RIMS2: variants seen among roughly 807,000 people sequenced by gnomAD.
RIMS2 encodes the protein regulating synaptic membrane exocytosis 2, also known as regulating synaptic membrane exocytosis protein 2.
Under a neutral mutation model 174.4 loss-of-function variants are expected in RIMS2, and 59 were observed. The ratio of observed to expected loss-of-function variants is 0.34; its 90% confidence interval spans 0.27 to 0.42. The LOEUF is 0.42. RIMS2 is among the 10% of genes least tolerant of loss of function. The pLI, the probability that RIMS2 is intolerant of heterozygous loss-of-function variation, is 1.00. For synonymous variants in RIMS2, 606 were observed against 572.5 expected (o/e 1.06, Z -0.84); for missense variants, 1,620 against 1,666.3 (o/e 0.97, Z 0.48).
At chr8:103,521,548 G>A (rs1779518866) in intron 1 of RIMS2, among the ~76,000 whole-genome samples, 1 of 151,982 alleles carries the variant, frequency 6.6e-6, no homozygotes, top group South Asian at 2.1e-4. Flanking sequence ...TCACATGCTT[G>A]CCATATTCAA....
At chr8:104,034,243 G>A (rs969685557) in intron 19 of RIMS2, among the ~76,000 whole-genome samples, 1 of 152,060 alleles carries the variant, frequency 6.6e-6, no homozygotes, top group Admixed American at 6.6e-5. Context: ...ATGTTTACTA[G>A]CAATACAAAT....
intron 19 of RIMS2, among the ~76,000 whole-genome samples, chr8:104,217,002 T>C (rs2099132816): frequency 6.6e-6 from 1 of 152,238 alleles, no homozygotes; most frequent in Non-Finnish European, 1.5e-5. Context: ...ATCATCATTA[T>C]TATAAAGGGC....
rs145059426 is a variant in RIMS2 at position 104,226,065 on chromosome 8, A to AT, written c.3335-18850dup. 4.5e-3 allele frequency among the ~76,000 whole-genome samples: 691 copies of AT among 152,272 alleles called. 9 individuals carry two copies. The highest frequency in any genetic ancestry group is 0.016 in the African/African-American group (649 of 41,560). On this transcript the variant is annotated intron_variant, in intron 19 of 23. Transcript: ENST00000504942. ...CTTTTGAGACACCCACACAGGATAC[A>AT]TGAAGGTCATGTGGTTAACATATTC...
intron 19 of RIMS2, among the ~76,000 whole-genome samples, chr8:104,096,030 A>T (rs1246857558): frequency 1.3e-5 from 2 of 152,168 alleles, no homozygotes; most frequent in African/African-American, 4.8e-5. Flanking sequence ...AGTAATTTCA[A>T]ATCTGTCTTT....
intron 19 of RIMS2, among the ~76,000 whole-genome samples, chr8:104,184,679 T>C (rs529389380): frequency 5.7e-4 from 87 of 151,608 alleles, no homozygotes; most frequent in African/African-American, 2.0e-3. Context: ...TGAATGACTT[T>C]TATTTTGTTT....
chr8:104,238,971 A>G (rs1401975946), intron 19 of RIMS2, among the ~76,000 whole-genome samples: 1 of 152,196 alleles, frequency 6.6e-6, no homozygotes, highest in Admixed American at 6.6e-5. Flanking sequence ...TCCATAAACC[A>G]TTTTCCATAT....
At chr8:104,245,766 C>G (rs1363468086) in intron 20 of RIMS2, among the ~76,000 whole-genome samples, 6 of 152,154 alleles carry the variant, frequency 3.9e-5, no homozygotes, top group African/African-American at 1.4e-4. Flanking sequence ...TTTAGATAAC[C>G]TATGTGTGGC....
chr8:104,004,353 T>G (rs986642123), intron 17 of RIMS2, among the ~76,000 whole-genome samples: 1 of 151,932 alleles, frequency 6.6e-6, no homozygotes, highest in Non-Finnish European at 1.5e-5. Context: ...CTGAGTGACA[T>G]AAAGAATGAG....
intron 3 of RIMS2, among the ~76,000 whole-genome samples, chr8:103,785,158 G>A (rs1411527428): frequency 6.9e-6 from 1 of 144,552 alleles, no homozygotes; most frequent in Non-Finnish European, 1.5e-5. Context: ...ACCAGCTTAA[G>A]GAGATTTTGG....
intron 19 of RIMS2, among the ~76,000 whole-genome samples, chr8:104,067,166 G>A (rs2097120692): frequency 6.6e-6 from 1 of 152,016 alleles, no homozygotes. Flanking sequence ...ACGTCTAGCT[G>A]TCTTTACCAC....
chr8:103,565,101 G>A (rs1350628799), intron 1 of RIMS2, among the ~76,000 whole-genome samples: 1 of 152,144 alleles, frequency 6.6e-6, no homozygotes. Context: ...GTATGTGTAC[G>A]GAAGTTCATT....
chr8:103,703,147 A>G (rs1400625950), intron 2 of RIMS2, among the ~76,000 whole-genome samples: 1 of 150,928 alleles, frequency 6.6e-6, no homozygotes, highest in African/African-American at 2.4e-5. Context: ...TACCTGGCTA[A>G]TTTTTTGATT....
intron 3 of RIMS2, among the ~76,000 whole-genome samples, chr8:103,858,435 G>A (rs1019207221): frequency 1.3e-5 from 2 of 151,900 alleles, no homozygotes; most frequent in African/African-American, 2.4e-5. Context: ...AGAAGGCATT[G>A]GATTATCATA....
At chr8:103,804,058 AT>A (rs2098633835) in intron 3 of RIMS2, among the ~76,000 whole-genome samples, 1 of 152,202 alleles carries the variant, frequency 6.6e-6, no homozygotes, top group Non-Finnish European at 1.5e-5. Context: ...GCTATTAAAA[AT>A]ATGGTTATTT....
intron 2 of RIMS2, among the ~76,000 whole-genome samples, chr8:103,760,159 A>G (rs2098093162): frequency 6.6e-6 from 1 of 152,226 alleles, no homozygotes; most frequent in South Asian, 2.1e-4. Flanking sequence ...TGTAACAGCT[A>G]AGACTGGGAA....
At chr8:104,191,433 A>AT (rs1460463266) in intron 19 of RIMS2, among the ~76,000 whole-genome samples, 2 of 152,142 alleles carry the variant, frequency 1.3e-5, no homozygotes, top group East Asian at 3.9e-4. Context: ...ATCAGATCTG[A>AT]TTTAGTAAAG....
intron 14 of RIMS2, among the ~76,000 whole-genome samples, chr8:103,956,490 A>G (rs1264866085): frequency 6.6e-6 from 1 of 152,242 alleles, no homozygotes; most frequent in Non-Finnish European, 1.5e-5. Flanking sequence ...GACAAAAACA[A>G]GCAATGGGAA....
chr8:103,676,519 T>G (rs1375015538), intron 1 of RIMS2, among the ~76,000 whole-genome samples: 7 of 152,162 alleles, frequency 4.6e-5, no homozygotes, highest in African/African-American at 1.7e-4. Flanking sequence ...AGCCAAAAGT[T>G]AAGCAGATTC....
intron 15 of RIMS2, among the ~76,000 whole-genome samples, chr8:103,964,276 A>G (rs1367041762): frequency 6.6e-6 from 1 of 152,202 alleles, no homozygotes; most frequent in Non-Finnish European, 1.5e-5. Flanking sequence ...CCCACCAGCA[A>G]TGAATGAGAG....
Sources: allele counts gnomAD v4.1 joint callset (sites outside exome capture counted in the v4.1 genomes callset), GRCh38; gene constraint gnomAD v4.1.1; transcripts MANE v1.5; gene names NCBI Gene and HGNC (gene_info 2026-07-23, HGNC 2026-07-21).